The following HERC2 variants were observed in gnomAD, a reference collection of about 807,000 sequenced individuals.
HERC2 encodes E3 ubiquitin-protein ligase HERC2.
In HERC2, 102 loss-of-function variants were observed where a neutral mutation model predicts 537.7. That is an observed-to-expected ratio of 0.19 (90% CI 0.16 to 0.22). HERC2 has a LOEUF of 0.22. Ranked by LOEUF, HERC2 falls within the 10% of genes least tolerant of loss-of-function variation. The pLI is 1.00. For missense variants in HERC2, 4,236 were observed against 6,198.2 expected, an observed-to-expected ratio of 0.68 and a Z score of 10.63; for synonymous variants, 2,224 against 2,466.2, an observed-to-expected ratio of 0.90 and a Z score of 2.91.
Position 28,111,633 on chromosome 15 carries a change from A to T in HERC2, c.*130T>A. The T allele has an allele frequency of 1.1e-6, 1 of 942,356 alleles. No individual in the cohort carries two copies. The highest frequency in any genetic ancestry group is 1.6e-6 in the Non-Finnish European group (1 of 628,894). 58.4% of individuals were successfully genotyped at this position (942,356 alleles called of 1,614,324 possible). A position where few individuals can be genotyped will look rare whatever the true frequency, so the allele number is the denominator to read the frequency against. ...CCCATCACGGCCAGTCAGTCTCTCC[A>T]CTCCCTCCTCCCGCCTGGCTCGAGG... On this transcript the variant is annotated 3_prime_UTR_variant, in exon 93 of 93. Coordinates refer to ENST00000261609, the MANE Select transcript of HERC2 (RefSeq NM_004667.6).
chr15:28,297,665 CA>C (rs1449521767), intron 3 of HERC2, among the ~76,000 whole-genome samples: 8 of 152,088 alleles, frequency 5.3e-5, no homozygotes, highest in South Asian at 4.1e-4. Flanking sequence ...CGCAATTTGT[CA>C]AATGCTGGAG....
Position 28,113,261 on chromosome 15 carries a change from G to A in HERC2, c.14042C>T (p.Pro4681Leu), listed in dbSNP as rs1412184352. Residue 4681 changes from proline to leucine, a missense_variant, in exon 92 of 93, where the codon CCG (proline) becomes CTG (leucine). Physicochemically the swap from Pro to Leu is moderately conservative, Grantham distance 98 (BLOSUM62 -3). Transcript: ENST00000261609. This position sits in a 1 kb window ranked among gnomAD's most constrained non-coding sequence, Gnocchi z 7.0. ...ETMVCGSPDI[P>L]LHLLKSVATY... ...GGCCACCGACTTGAGAAGGTGCAGCGGGATGTCAGGGCTGCCACACACCTG... is the reference window on the plus strand; with the variant it reads ...GGCCACCGACTTGAGAAGGTGCAGCAGGATGTCAGGGCTGCCACACACCTG... 6.2e-7 allele frequency: 1 copy of A among 1,614,074 alleles called. No homozygotes were observed.
chr15:28,197,697 G>C (rs1282376510), intron 50 of HERC2, among the ~76,000 whole-genome samples: 1 of 152,218 alleles, frequency 6.6e-6, no homozygotes, highest in Non-Finnish European at 1.5e-5. Flanking sequence ...GTTGCAGTGA[G>C]TCAAGATGGC....
intron 52 of HERC2, among the ~76,000 whole-genome samples, chr15:28,194,592 A>G (rs1376594990): frequency 6.6e-6 from 1 of 150,506 alleles, no homozygotes; most frequent in Non-Finnish European, 1.5e-5. Context: ...AAACAAAACA[A>G]AACAAAAAAA....
intron 69 of HERC2, among the ~76,000 whole-genome samples, chr15:28,161,569 G>C (rs746613976): frequency 1.3e-5 from 2 of 152,182 alleles, no homozygotes; most frequent in African/African-American, 4.8e-5. Context: ...TTATACTGCA[G>C]ACCTACAGAC....
At chr15:28,195,856 CAAT>C (rs1433146937) in intron 52 of HERC2, among the ~76,000 whole-genome samples, 1 of 152,140 alleles carries the variant, frequency 6.6e-6, no homozygotes, top group East Asian at 1.9e-4. Flanking sequence ...TATTTTGCCA[CAAT>C]GACAAATACA....
chr15:28,274,453 C>A lies in HERC2; in HGVS notation c.644-6G>T. 1 of 1,603,448 alleles carries A rather than the reference C, an allele frequency of 6.2e-7. No individual in the cohort carries two copies. The highest frequency in any genetic ancestry group is 8.5e-7 in the Non-Finnish European group (1 of 1,175,326). ...GCAGAGGTCCGCATCCTCGCCTGGG[C>A]GCACACACGCGTCAGAGGAGCCCCC... is the stretch of plus-strand genomic sequence containing the variant. On this transcript the variant is annotated splice_polypyrimidine_tract_variant and splice_region_variant and intron_variant, in intron 6 of 92. Coordinates refer to ENST00000261609, the MANE Select transcript of HERC2 (RefSeq NM_004667.6).
intron 55 of HERC2, among the ~76,000 whole-genome samples, chr15:28,189,478 A>G (rs987190389): frequency 3.9e-5 from 6 of 152,210 alleles, no homozygotes; most frequent in African/African-American, 1.4e-4. Context: ...AAAACTCAAG[A>G]TTAATTTTTT....
At chr15:28,274,533 A>T in intron 6 of HERC2, 86 bp from the exon 7 acceptor site, 3 of 1,412,370 alleles carry the variant, frequency 2.1e-6, no homozygotes, top group Non-Finnish European at 2.8e-6. Flanking sequence ...AGATGACGCC[A>T]CTGTCACCTT....
intron 16 of HERC2, among the ~76,000 whole-genome samples, chr15:28,258,551 T>C (rs899428052): frequency 6.6e-6 from 1 of 152,102 alleles, no homozygotes; most frequent in Non-Finnish European, 1.5e-5. Context: ...TGAACATACA[T>C]GAAAATGCGC....
At chr15:28,169,254 G>T (rs1490920072) in intron 66 of HERC2, among the ~76,000 whole-genome samples, 1 of 152,140 alleles carries the variant, frequency 6.6e-6, no homozygotes, top group Non-Finnish European at 1.5e-5. Flanking sequence ...TGGTCAAAAA[G>T]AATAGTGAAA....
intron 47 of HERC2, 39 bp downstream of exon 47, chr15:28,202,074 A>G: frequency 9.0e-7 from 1 of 1,107,736 alleles, no homozygotes; most frequent in Non-Finnish European, 1.3e-6. Context: ...CTAGACGGAC[A>G]GCGGCCCAGG....
rs1888868917 is a variant in HERC2 at position 28,121,395 on chromosome 15, A to G, written c.13223T>C (p.Met4408Thr). The change falls in exon 86 of 93, where the codon ATG (methionine) becomes ACG (threonine). Residue 4408 changes from methionine (M) to threonine (T), a missense_variant. Physicochemically the swap from Met to Thr is moderately conservative, Grantham distance 81. This residue lies in a region of HERC2 where 189 missense variants were observed against 255.7 expected (regional missense o/e 0.74). Transcript: ENST00000261609. The stretch of plus-strand genomic sequence containing the variant: ...GGGGCCATGCTGACGATCGCGTACC[A>G]TAGTTGCTTGTACTACTTTCCGGAA... The part of the protein sequence containing the change: ...AAFRKVVQAT[M>T]VRDRQHGPVV... The G allele has an allele frequency of 6.2e-7, 1 of 1,614,224 alleles. No individual in the cohort carries two copies. Among genetic ancestry groups the G allele is most frequent in the Non-Finnish European group, 8.5e-7 (1 of 1,180,040 alleles).
At chr15:28,220,332 G>C (rs1232003277) in intron 37 of HERC2, 120 bp downstream of exon 37, 2 of 881,068 alleles carry the variant, frequency 2.3e-6, no homozygotes, top group Non-Finnish European at 3.7e-6. Context: ...TCCGAGGACA[G>C]AGCGCCAGCT....
Position 28,265,973 on chromosome 15 carries a change from G to C in HERC2, c.1600C>G (p.Pro534Ala). 1 of 1,613,726 alleles carries C rather than the reference G, an allele frequency of 6.2e-7. No individual in the cohort carries two copies. The highest frequency in any genetic ancestry group is 8.5e-7 in the Non-Finnish European group (1 of 1,179,780). Residue 534 changes from proline (P) to alanine (A), a missense_variant and splice_region_variant, in exon 13 of 93, where the codon CCT becomes GCT. Pro to Ala is a conservative substitution (Grantham distance 27). Transcript: ENST00000261609. This position sits in a 1 kb window ranked among gnomAD's most constrained non-coding sequence, Gnocchi z 4.0. ...GGRLGHGDTV[P>A]LEEPKVISAF... is the part of the protein sequence containing the mutation. ...GAGATCACCTTAGGCTCCTCCAAAGGCCTTGGGGAGAAAGGGAACAAACAT... is the reference window on the plus strand; with the variant it reads ...GAGATCACCTTAGGCTCCTCCAAAGCCCTTGGGGAGAAAGGGAACAAACAT...
rs572626161 is a variant in HERC2 at position 28,290,637 on chromosome 15, A to G, written c.322+2251T>C. Among the ~76,000 whole-genome samples the G allele has an allele frequency of 2.0e-5, 3 of 152,350 alleles. No homozygotes were observed. The South Asian group carries it at 6.2e-4, about 32-fold the overall frequency. ...CAGAATATGTTCTCTGACTACAACTAATTTAGAAATTAACAGGAGATATTT... is the reference window on the plus strand; with the variant it reads ...CAGAATATGTTCTCTGACTACAACTGATTTAGAAATTAACAGGAGATATTT... On this transcript the variant is annotated intron_variant, in intron 4 of 92. Transcript: ENST00000261609.
At chr15:28,181,903 T>C (rs1372498599) in intron 57 of HERC2, among the ~76,000 whole-genome samples, 1 of 152,220 alleles carries the variant, frequency 6.6e-6, no homozygotes, top group Non-Finnish European at 1.5e-5. Context: ...CAACAAGCCC[T>C]GCAGAGAATA....
At chr15:28,298,452 A>T in intron 3 of HERC2, 1 of 150,362 alleles carries the variant, frequency 6.7e-6, no homozygotes, top group South Asian at 2.1e-4. Context: ...ACCACGCCCG[A>T]TCCCCATGTA....
intron 69 of HERC2, among the ~76,000 whole-genome samples, chr15:28,159,238 T>C (rs1208476604): frequency 6.6e-6 from 1 of 152,018 alleles, no homozygotes; most frequent in Non-Finnish European, 1.5e-5. Context: ...TCTCGAGGAG[T>C]ATCTTTGTGG....
Sources: allele counts gnomAD v4.1 joint callset (sites outside exome capture counted in the v4.1 genomes callset), GRCh38; gene constraint gnomAD v4.1.1; regional missense constraint gnomAD v4.1.1; non-coding constraint Gnocchi (gnomAD v3.1); transcripts MANE v1.5; gene names NCBI Gene and HGNC (gene_info 2026-07-23, HGNC 2026-07-21).